Variants in AKAIN1 observed in about 807,000 individuals in gnomAD.
The protein encoded by AKAIN1 is A-kinase anchor inhibitor 1, also known as A-kinase anchor protein inhibitor 1.
Under a neutral mutation model 3.7 loss-of-function variants are expected in AKAIN1, and 3 were observed. That is an observed-to-expected ratio of 0.82 (90% confidence interval 0.37 to 2.12). AKAIN1 has a LOEUF of 2.12. Ranked by LOEUF, AKAIN1 falls within the 30% of genes most tolerant of loss-of-function variation. The pLI is 0.06. For missense variants in AKAIN1, 82 were observed against 82.7 expected (o/e 0.99, Z 0.03); for synonymous variants, 31 against 30.8 (o/e 1.01, Z -0.02).
intron 1 of AKAIN1, among the ~76,000 whole-genome samples, chr18:5,159,047 C>CT (rs570120975): frequency 0.042 from 6,219 of 149,066 alleles, 180 homozygotes; most frequent in Non-Finnish European, 0.063. Context: ...TTTATTATAT[C>CT]TTTTTTTTTT....
chr18:5,188,335 A>T (rs896689173), intron 1 of AKAIN1, among the ~76,000 whole-genome samples: 1 of 151,938 alleles, frequency 6.6e-6, no homozygotes, highest in African/African-American at 2.4e-5. Flanking sequence ...TGCCCTACTG[A>T]GGAATTCTAT....
At chr18:5,165,952 A>G (rs2071165607) in intron 1 of AKAIN1, among the ~76,000 whole-genome samples, 1 of 152,050 alleles carries the variant, frequency 6.6e-6, no homozygotes, top group Non-Finnish European at 1.5e-5. Flanking sequence ...AGTGACTTCA[A>G]CAATTCACTT....
At chr18:5,157,650 G>A (rs1054477136) in intron 1 of AKAIN1, among the ~76,000 whole-genome samples, 2 of 152,046 alleles carry the variant, frequency 1.3e-5, no homozygotes, top group African/African-American at 2.4e-5. Context: ...TGCATGACTC[G>A]TTACCACTTA....
chr18:5,146,436 CT>C (rs5822848), intron 1 of AKAIN1, among the ~76,000 whole-genome samples: 34,564 of 152,144 alleles, frequency 0.23, 4,769 homozygotes, highest in African/African-American at 0.39. Flanking sequence ...AAAATATTTC[CT>C]TTCTGTTTAA....
chr18:5,156,224 G>C (rs936568214), intron 1 of AKAIN1, among the ~76,000 whole-genome samples: 3 of 152,100 alleles, frequency 2.0e-5, no homozygotes, highest in East Asian at 3.9e-4. Context: ...TGAGCACTAT[G>C]AGTGATTTTA....
chr18:5,154,452 T>C (rs1004192123), intron 1 of AKAIN1, among the ~76,000 whole-genome samples: 2 of 152,092 alleles, frequency 1.3e-5, no homozygotes, highest in African/African-American at 2.4e-5. Context: ...TTTTCCTCCT[T>C]TTACCCCCAA....
intron 1 of AKAIN1, among the ~76,000 whole-genome samples, chr18:5,150,526 A>G (rs1334753735): frequency 6.6e-6 from 1 of 152,246 alleles, no homozygotes; most frequent in Non-Finnish European, 1.5e-5. Context: ...AAATAAACCA[A>G]AATCGAGAAC....
intron 1 of AKAIN1, among the ~76,000 whole-genome samples, chr18:5,152,077 C>G (rs948830253): frequency 4.6e-5 from 7 of 152,176 alleles, no homozygotes; most frequent in African/African-American, 1.7e-4. Context: ...GGGGAGCATA[C>G]TGAAACCATC....
chr18:5,147,953 C>T (rs1022578209), intron 1 of AKAIN1, among the ~76,000 whole-genome samples: 4 of 152,176 alleles, frequency 2.6e-5, no homozygotes, highest in Admixed American at 6.5e-5. Flanking sequence ...GATTTCAAGT[C>T]CTTTGTGCCA....
intron 1 of AKAIN1, among the ~76,000 whole-genome samples, chr18:5,184,067 A>G (rs2071274002): frequency 1.3e-5 from 2 of 152,222 alleles, no homozygotes; most frequent in African/African-American, 4.8e-5. Flanking sequence ...ATAGAACACG[A>G]AAAGAACATT....
chr18:5,194,268 C>A lies in AKAIN1; in HGVS notation c.16+2770G>T, dbSNP rs535989540. Among the ~76,000 whole-genome samples, 3 of 152,114 alleles carry A rather than the reference C, an allele frequency of 2.0e-5. No individual in the cohort carries two copies. In the South Asian group the frequency reaches 6.2e-4, roughly 32 times the overall value. ...TACCTTCAAGGGGTTTGAAAACTGG[C>A]ATGCACAAAATTAAAACCCTCCTAA... On this transcript the variant is annotated intron_variant, in intron 1 of 1. Transcript: ENST00000434239.
At position 5,163,703 on chromosome 18, in the gene AKAIN1, A is replaced by T. The variant is rs1412044131; in HGVS notation, c.17-17948T>A. On this transcript the variant is annotated intron_variant, in intron 1 of 1. Transcript: ENST00000434239. ...CAGCCTTCAAGCAATATATTTCAAT[A>T]CTTAATTGGAGTTAATAGGACTGAA... The T allele has an allele frequency of 1.1e-4, 16 of 152,188 alleles. No homozygotes were observed. In the East Asian group the frequency reaches 3.1e-3, roughly 29 times the overall value. The allele number at this position is 152,188 out of a possible 1,614,324, so 9.4% of individuals were successfully genotyped here.
At chr18:5,174,090 C>T (rs1222157252) in intron 1 of AKAIN1, among the ~76,000 whole-genome samples, 1 of 152,124 alleles carries the variant, frequency 6.6e-6, no homozygotes, top group African/African-American at 2.4e-5. Flanking sequence ...GCTTTTCTCC[C>T]ATGAACATCC....
chr18:5,156,341 G>T (rs1178081843), intron 1 of AKAIN1, among the ~76,000 whole-genome samples: 1 of 152,134 alleles, frequency 6.6e-6, no homozygotes, highest in African/African-American at 2.4e-5. Context: ...GCCAAAGAAG[G>T]AATCAAATTC....
intron 1 of AKAIN1, among the ~76,000 whole-genome samples, chr18:5,185,798 A>C (rs895787211): frequency 2.0e-5 from 3 of 151,586 alleles, no homozygotes; most frequent in African/African-American, 7.3e-5. Context: ...TTCTCAAAGA[A>C]CTTATTTGTC....
intron 1 of AKAIN1, among the ~76,000 whole-genome samples, chr18:5,173,053 G>C: frequency 6.6e-6 from 1 of 152,070 alleles, no homozygotes; most frequent in East Asian, 1.9e-4. Context: ...AATCCCACAA[G>C]CTGATATTGT....
intron 1 of AKAIN1, chr18:5,159,552 A>T (rs1210072636): frequency 6.6e-6 from 1 of 152,226 alleles, no homozygotes; most frequent in African/African-American, 2.4e-5. Flanking sequence ...ATGGTAAAAT[A>T]GAAATTAATT....
rs147444967 is a variant in AKAIN1 at position 5,152,567 on chromosome 18, G to A, written c.17-6812C>T. Reference sequence around the variant, plus strand: ...CTCTGTTGCAACCCAGTGTCTCCACGTATTGACTTGCCATTGCATCAGACA... The same window carrying A: ...CTCTGTTGCAACCCAGTGTCTCCACATATTGACTTGCCATTGCATCAGACA... On this transcript the variant is annotated intron_variant, in intron 1 of 1. Coordinates refer to ENST00000434239, the MANE Select transcript of AKAIN1 (RefSeq NM_001145194.2). Among the ~76,000 whole-genome samples the A allele has an allele frequency of 2.7e-3, 410 of 152,242 alleles. 1 individual carries two copies. The highest frequency in any genetic ancestry group is 0.023 in the South Asian group (109 of 4,824).
intron 1 of AKAIN1, among the ~76,000 whole-genome samples, chr18:5,192,541 C>T (rs1221488798): frequency 2.6e-5 from 4 of 151,948 alleles, no homozygotes; most frequent in Admixed American, 6.6e-5. Flanking sequence ...ATTGGGGTTA[C>T]AGAAGGTGCT....
Sources: gnomAD v4.1 joint callset for allele counts (sites outside exome capture counted in the v4.1 genomes callset) on GRCh38, gnomAD v4.1.1 for gene constraint, MANE v1.5 for transcripts, NCBI Gene and HGNC (gene_info 2026-07-23, HGNC 2026-07-21) for gene names.